ACYP2: variants seen among roughly 807,000 people sequenced by gnomAD.
ACYP2 encodes acylphosphatase-2.
A neutral mutation model predicts 11.2 loss-of-function variants in ACYP2; 12 were observed. That is an observed-to-expected ratio of 1.08 (90% confidence interval 0.69 to 1.74). The LOEUF (loss-of-function observed/expected upper bound fraction) is 1.74, where lower values mean the gene tolerates loss of function less well. Ranked by LOEUF, ACYP2 falls within the 40% of genes most tolerant of loss-of-function variation. ACYP2 has a pLI of 0.00. For synonymous variants in ACYP2, 43 were observed against 32.2 expected (o/e 1.33, Z -1.13); for missense variants, 134 against 101.9 (o/e 1.31, Z -1.35).
At chr2:54,067,979 A>T (rs1296427624) in intron 4 of ACYP2, among the ~76,000 whole-genome samples, 2 of 152,226 alleles carry the variant, frequency 1.3e-5, no homozygotes, top group Admixed American at 1.3e-4. Flanking sequence ...CATTGAGGGA[A>T]GGAGAATGAA....
intron 2 of ACYP2, among the ~76,000 whole-genome samples, chr2:54,028,892 T>G (rs1325461925): frequency 6.6e-6 from 1 of 152,216 alleles, no homozygotes; most frequent in East Asian, 1.9e-4. Flanking sequence ...GGCACAGTGG[T>G]TTACTTCTGT....
At chr2:54,002,643 C>T (rs887394927) in intron 2 of ACYP2, among the ~76,000 whole-genome samples, 2 of 149,462 alleles carry the variant, frequency 1.3e-5, no homozygotes, top group Admixed American at 1.3e-4. Context: ...CCATGCCTGG[C>T]CATTTTATTT....
chr2:54,207,173 A>ATGTGTGTGTGTGTGTGTGTG (rs58920943), intron 6 of ACYP2, among the ~76,000 whole-genome samples: 2,987 of 138,594 alleles, frequency 0.022, 44 homozygotes, highest in East Asian at 0.047. Flanking sequence ...CAACATGTAT[A>ATGTGTGTGTGTGTGTGTGTG]TGTGTGTGTG....
intron 6 of ACYP2, among the ~76,000 whole-genome samples, chr2:54,289,397 A>G (rs1451852836): frequency 3.3e-5 from 5 of 152,030 alleles, no homozygotes; most frequent in South Asian, 2.1e-4. Context: ...TAGGGTGACA[A>G]TTCTACACCC....
At chr2:54,013,220 T>C (rs750226856) in intron 2 of ACYP2, among the ~76,000 whole-genome samples, 10 of 125,726 alleles carry the variant, frequency 8.0e-5, no homozygotes, top group Non-Finnish European at 1.6e-4. Context: ...TCCCCTGCCA[T>C]GTTTTGGTCA....
chr2:54,168,814 G>A (rs1183434643), intron 6 of ACYP2, among the ~76,000 whole-genome samples: 1 of 152,164 alleles, frequency 6.6e-6, no homozygotes, highest in Non-Finnish European at 1.5e-5. Context: ...CACATTAATT[G>A]TAATTGTATT....
intron 6 of ACYP2, among the ~76,000 whole-genome samples, chr2:54,280,717 G>C (rs1292200184): frequency 6.6e-6 from 1 of 152,202 alleles, no homozygotes; most frequent in African/African-American, 2.4e-5. Context: ...ACCTTCCTGA[G>C]AGCCGTTTTA....
chr2:54,004,753 T>C (rs111791945), intron 2 of ACYP2, among the ~76,000 whole-genome samples: 2 of 151,742 alleles, frequency 1.3e-5, no homozygotes, highest in African/African-American at 2.4e-5. Flanking sequence ...TTTCTTATTA[T>C]TGAGCTTTAA....
intron 4 of ACYP2, among the ~76,000 whole-genome samples, chr2:54,066,488 C>T (rs1035013321): frequency 1.4e-4 from 22 of 152,228 alleles, no homozygotes; most frequent in African/African-American, 4.3e-4. Flanking sequence ...TATTGCTGAC[C>T]TCATTTTCCA....
intron 2 of ACYP2, among the ~76,000 whole-genome samples, chr2:54,049,995 T>A (rs1037323549): frequency 5.3e-5 from 8 of 152,368 alleles, no homozygotes; most frequent in Non-Finnish European, 1.0e-4. Flanking sequence ...GGGTGGACAC[T>A]GCTTCTAGGC....
intron 2 of ACYP2, among the ~76,000 whole-genome samples, chr2:54,022,427 G>A (rs1674054608): frequency 6.6e-6 from 1 of 152,110 alleles, no homozygotes; most frequent in Non-Finnish European, 1.5e-5. Flanking sequence ...TGTCACCCAT[G>A]CTAGAGTACA....
intron 2 of ACYP2, among the ~76,000 whole-genome samples, chr2:54,048,475 T>TA: frequency 6.6e-6 from 1 of 152,262 alleles, no homozygotes; most frequent in South Asian, 2.1e-4. Context: ...ATAACAAACT[T>TA]ACCATTACAG....
At chr2:54,143,745 T>C (rs1381898543) in intron 6 of ACYP2, among the ~76,000 whole-genome samples, 1 of 121,118 alleles carries the variant, frequency 8.3e-6, no homozygotes, top group African/African-American at 3.4e-5. Flanking sequence ...TTTTTTTTTT[T>C]TTTTTTTTTT....
intron 6 of ACYP2, among the ~76,000 whole-genome samples, chr2:54,162,369 TG>T (rs1682757675): frequency 6.6e-6 from 1 of 152,222 alleles, no homozygotes; most frequent in Non-Finnish European, 1.5e-5. Flanking sequence ...ATTTTGCTGC[TG>T]CTTCTTTTTC....
intron 4 of ACYP2, among the ~76,000 whole-genome samples, chr2:54,072,555 TTTTC>T (rs1473538174): frequency 2.0e-5 from 3 of 150,612 alleles, no homozygotes; most frequent in African/African-American, 7.3e-5. Flanking sequence ...TCCTTCATTA[TTTTC>T]TTTCTTCTTT....
At chr2:54,076,232 G>GT (rs1371712077) in intron 4 of ACYP2, among the ~76,000 whole-genome samples, 1 of 152,196 alleles carries the variant, frequency 6.6e-6, no homozygotes, top group Non-Finnish European at 1.5e-5. Flanking sequence ...AAATGAAAAG[G>GT]TACTGGGCTT....
At chr2:54,081,640 A>C (rs983649281) in intron 4 of ACYP2, among the ~76,000 whole-genome samples, 12 of 152,228 alleles carry the variant, frequency 7.9e-5, no homozygotes, top group Non-Finnish European at 1.3e-4. Flanking sequence ...CACATTTCCA[A>C]CGTTAAGGCT....
chr2:54,078,488 T>C (rs2103660801), intron 4 of ACYP2, among the ~76,000 whole-genome samples: 1 of 151,934 alleles, frequency 6.6e-6, no homozygotes, highest in African/African-American at 2.4e-5. Flanking sequence ...CATTGGAAGC[T>C]ATCCTTGTAC....
intron 6 of ACYP2, among the ~76,000 whole-genome samples, chr2:54,216,662 T>A (rs1410540391): frequency 6.6e-6 from 1 of 152,110 alleles, no homozygotes; most frequent in Non-Finnish European, 1.5e-5. Flanking sequence ...CTCAGTCTCC[T>A]GAGTAGCTGG....
Sources: allele counts gnomAD v4.1 joint callset (sites outside exome capture counted in the v4.1 genomes callset), GRCh38; gene constraint gnomAD v4.1.1; transcripts MANE v1.5; gene names NCBI Gene and HGNC (gene_info 2026-07-23, HGNC 2026-07-21).